Variants in FRMD4B observed in about 807,000 individuals in gnomAD.
FRMD4B encodes FERM domain-containing protein 4B.
A neutral mutation model predicts 141.5 loss-of-function variants in FRMD4B; 74 were observed. The ratio of observed to expected loss-of-function variants is 0.52; its 90% CI spans 0.43 to 0.63. The LOEUF is 0.63. FRMD4B is among the 30% of genes least tolerant of loss of function. FRMD4B has a pLI of 0.00. For synonymous variants in FRMD4B, 506 were observed against 467.9 expected (o/e 1.08, Z -1.05); for missense variants, 1,366 against 1,253.4 (o/e 1.09, Z -1.36).
intron 1 of FRMD4B, among the ~76,000 whole-genome samples, chr3:69,505,673 A>T (rs1009267573): frequency 6.6e-6 from 1 of 152,224 alleles, no homozygotes; most frequent in Non-Finnish European, 1.5e-5. Context: ...CATTAGGCTC[A>T]TAATCTTATT....
chr3:69,299,499 T>A (rs1021645723), intron 4 of FRMD4B, among the ~76,000 whole-genome samples: 3 of 152,172 alleles, frequency 2.0e-5, no homozygotes, highest in Non-Finnish European at 2.9e-5. Flanking sequence ...CATGGCATTA[T>A]ATCAGAATCT....
intron 1 of FRMD4B, among the ~76,000 whole-genome samples, chr3:69,351,780 A>G (rs946026662): frequency 2.0e-5 from 3 of 152,230 alleles, no homozygotes; most frequent in African/African-American, 4.8e-5. Context: ...AAGTCTTAGA[A>G]AAATTCCTCC....
chr3:69,433,476 T>A (rs1705211729), intron 1 of FRMD4B, among the ~76,000 whole-genome samples: 1 of 152,154 alleles, frequency 6.6e-6, no homozygotes, highest in South Asian at 2.1e-4. Flanking sequence ...TTCTGCCATG[T>A]GGTAAGTGAA....
At chr3:69,467,831 C>T (rs569083430) in intron 1 of FRMD4B, among the ~76,000 whole-genome samples, 2 of 152,132 alleles carry the variant, frequency 1.3e-5, no homozygotes, top group Non-Finnish European at 2.9e-5. Context: ...AGCAGGGGAC[C>T]TTCTGCTGCA....
chr3:69,399,435 T>C (rs895566215), intron 2 of FRMD4B, among the ~76,000 whole-genome samples: 1 of 152,230 alleles, frequency 6.6e-6, no homozygotes, highest in Admixed American at 6.5e-5. Context: ...CATCTCTATA[T>C]TCATTCTATC....
At chr3:69,251,602 C>T (rs1405598125) in intron 5 of FRMD4B, among the ~76,000 whole-genome samples, 3 of 152,306 alleles carry the variant, frequency 2.0e-5, no homozygotes, top group East Asian at 1.9e-4. Context: ...ACACACAGGC[C>T]GCCCTTCTGA....
At chr3:69,484,435 C>T (rs911121473) in intron 1 of FRMD4B, among the ~76,000 whole-genome samples, 11 of 152,114 alleles carry the variant, frequency 7.2e-5, no homozygotes, top group Non-Finnish European at 1.3e-4. Context: ...GGCCTTTGCT[C>T]GAGTTCTTGT....
intron 1 of FRMD4B, among the ~76,000 whole-genome samples, chr3:69,365,618 T>C (rs1192587730): frequency 6.6e-6 from 1 of 151,994 alleles, no homozygotes; most frequent in Admixed American, 6.6e-5. Context: ...TCTCCTGCCT[T>C]AGCCTCTGAA....
At chr3:69,462,288 G>A (rs984195685) in intron 1 of FRMD4B, among the ~76,000 whole-genome samples, 1 of 152,158 alleles carries the variant, frequency 6.6e-6, no homozygotes, top group African/African-American at 2.4e-5. Flanking sequence ...CTAGGAGGCC[G>A]CAGTTTTATC....
chr3:69,244,722 T>G (rs1369233998), intron 7 of FRMD4B, among the ~76,000 whole-genome samples: 1 of 152,010 alleles, frequency 6.6e-6, no homozygotes, highest in African/African-American at 2.4e-5. Flanking sequence ...GGTGAAAACT[T>G]GTCTCTACTA....
Position 69,181,298 on chromosome 3 carries a change from A to C in FRMD4B, c.2452T>G (p.Tyr818Asp). The change falls in exon 21 of 23, where the codon TAT (tyrosine) becomes GAT (aspartate). Residue 818 changes from tyrosine to aspartate, a missense_variant. Transcript: ENST00000398540. Reference protein sequence around the residue: ...GYTPYAECDFYYSGGYVYEND... With the variant: ...GYTPYAECDFDYSGGYVYEND... ...TCATAGACATAACCACCACTGTAAT[A>C]AAAGTCACACTCTGCATAGGGTGTG... is the stretch of plus-strand genomic sequence containing the variant. The C allele has an allele frequency of 6.2e-7, 1 of 1,613,968 alleles. No individual in the cohort carries two copies. The highest frequency in any genetic ancestry group is 1.1e-5 in the South Asian group (1 of 91,086).
intron 1 of FRMD4B, among the ~76,000 whole-genome samples, chr3:69,373,097 G>T (rs1703874002): frequency 6.6e-6 from 1 of 152,204 alleles, no homozygotes; most frequent in Non-Finnish European, 1.5e-5. Context: ...TCAGCCAGGT[G>T]TTTGTAGATG....
At chr3:69,216,984 TAA>T (rs879663207) in intron 10 of FRMD4B, among the ~76,000 whole-genome samples, 5 of 143,178 alleles carry the variant, frequency 3.5e-5, no homozygotes, top group African/African-American at 2.5e-5. Context: ...AGTTATCCAT[TAA>T]AAAAAAAAAA....
chr3:69,250,314 T>TGTGC, intron 5 of FRMD4B: 1 of 479,438 alleles, frequency 2.1e-6, no homozygotes, highest in Non-Finnish European at 3.7e-6. Flanking sequence ...TGTGTGTGTG[T>TGTGC]GTGTCTATTT....
intron 5 of FRMD4B, among the ~76,000 whole-genome samples, chr3:69,284,149 C>T (rs1413787049): frequency 2.0e-5 from 3 of 152,116 alleles, no homozygotes; most frequent in Non-Finnish European, 4.4e-5. Context: ...AGTGAACTCC[C>T]TGAGCTAAGG....
chr3:69,314,360 T>C (rs965444067), intron 1 of FRMD4B, among the ~76,000 whole-genome samples: 27 of 149,688 alleles, frequency 1.8e-4, no homozygotes, highest in Middle Eastern at 3.5e-3. Flanking sequence ...AAACCCCGTC[T>C]CTACTAAAAC....
At position 69,385,904 on chromosome 3, in the gene FRMD4B, C is replaced by A; in HGVS notation, c.86G>T (p.Arg29Leu). ...CCGCAGCCTCTCCGTGTACCATCTC[C>A]GCAGCGTGGACACGGTCAAGTTCCA... ...FVWNLTVSTL[R>L]RWYTERLRAC... The change falls in exon 1 of 23, where the codon CGG becomes CTG. Residue 29 changes from arginine (R) to leucine (L), a missense_variant. Coordinates refer to ENST00000398540, the MANE Select transcript of FRMD4B (RefSeq NM_015123.3). 1 of 1,604,250 alleles carries A rather than the reference C, an allele frequency of 6.2e-7. No individual in the cohort carries two copies. The highest frequency in any genetic ancestry group is 2.3e-5 in the East Asian group (1 of 44,370).
chr3:69,530,257 T>C (rs1394657571), intron 1 of FRMD4B, among the ~76,000 whole-genome samples: 1 of 152,262 alleles, frequency 6.6e-6, no homozygotes, highest in Non-Finnish European at 1.5e-5. Context: ...TCCCTGATGT[T>C]GGAGGTGGGT....
At chr3:69,260,478 T>C (rs2106848563) in intron 5 of FRMD4B, among the ~76,000 whole-genome samples, 1 of 152,276 alleles carries the variant, frequency 6.6e-6, no homozygotes, top group African/African-American at 2.4e-5. Context: ...TGCGTCGCGC[T>C]CGAATTCTAG....
Sources: gnomAD v4.1 joint callset for allele counts (sites outside exome capture counted in the v4.1 genomes callset) on GRCh38, gnomAD v4.1.1 for gene constraint, MANE v1.5 for transcripts, NCBI Gene and HGNC (gene_info 2026-07-23, HGNC 2026-07-21) for gene names.